Variants in SLC8A1 observed in about 807,000 individuals in gnomAD.
The protein encoded by SLC8A1 is sodium/calcium exchanger 1.
In SLC8A1, 18 loss-of-function variants were observed where a neutral mutation model predicts 68.3. That is an observed-to-expected ratio of 0.26 (90% CI 0.18 to 0.39). The LOEUF is 0.39. SLC8A1 is among the 10% of genes least tolerant of loss of function. The probability of loss-of-function intolerance (pLI) is 1.00; values close to 1 mark genes in which losing one functional copy is unlikely to be tolerated. For synonymous variants in SLC8A1, 475 were observed against 415.5 expected (o/e 1.14, Z -1.74); for missense variants, 985 against 1,156.7 (o/e 0.85, Z 2.15).
chr2:40,322,319 T>C (rs1010100220), intron 2 of SLC8A1, among the ~76,000 whole-genome samples: 9 of 151,904 alleles, frequency 5.9e-5, no homozygotes, highest in Middle Eastern at 3.2e-3. Flanking sequence ...AGGTAATCCA[T>C]ATATAATTTT....
chr2:40,345,583 G>A (rs778254300), intron 2 of SLC8A1, among the ~76,000 whole-genome samples: 2 of 152,120 alleles, frequency 1.3e-5, no homozygotes, highest in Non-Finnish European at 2.9e-5. Context: ...CAGCAAATTT[G>A]TGGTAAAGTA....
intron 2 of SLC8A1, among the ~76,000 whole-genome samples, chr2:40,249,673 A>G (rs2062435852): frequency 6.6e-6 from 1 of 152,218 alleles, no homozygotes; most frequent in Non-Finnish European, 1.5e-5. Flanking sequence ...TGTGACTATT[A>G]CCATCAATTT....
At chr2:40,317,888 C>T (rs1575355666) in intron 2 of SLC8A1, among the ~76,000 whole-genome samples, 1 of 152,098 alleles carries the variant, frequency 6.6e-6, no homozygotes, top group African/African-American at 2.4e-5. Context: ...CTTGGCTTCA[C>T]TCCTCGAGGT....
chr2:40,326,892 C>T (rs1002920141), intron 2 of SLC8A1, among the ~76,000 whole-genome samples: 1 of 152,138 alleles, frequency 6.6e-6, no homozygotes, highest in African/African-American at 2.4e-5. Context: ...AACCAGACTG[C>T]AGAGGTATTG....
At chr2:40,382,533 G>T (rs902781114) in intron 2 of SLC8A1, among the ~76,000 whole-genome samples, 6 of 152,092 alleles carry the variant, frequency 3.9e-5, no homozygotes, top group African/African-American at 1.2e-4. Context: ...TGCCTTGTAA[G>T]TACTAATAAA....
intron 6 of SLC8A1, 128 bp downstream of exon 9, chr2:40,160,637 A>C: frequency 2.7e-6 from 2 of 751,920 alleles, no homozygotes; most frequent in East Asian, 2.6e-5. Flanking sequence ...TAACAAATAA[A>C]CTTATTTCTC....
At chr2:40,424,852 T>C (rs528871904) in intron 2 of SLC8A1, among the ~76,000 whole-genome samples, 2 of 151,984 alleles carry the variant, frequency 1.3e-5, no homozygotes, top group African/African-American at 4.8e-5. Flanking sequence ...GTATCTACAT[T>C]AGTTAATTAG....
chr2:40,148,139 C>G (rs564318542), intron 6 of SLC8A1, among the ~76,000 whole-genome samples: 1 of 152,282 alleles, frequency 6.6e-6, no homozygotes, highest in South Asian at 2.1e-4. Context: ...TGTCTCTCCT[C>G]CTTAAATTAA....
intron 1 of SLC8A1, among the ~76,000 whole-genome samples, chr2:40,451,431 T>A (rs1050186613): frequency 1.7e-4 from 26 of 152,066 alleles, no homozygotes; most frequent in African/African-American, 6.3e-4. Context: ...CTCGGAAATG[T>A]GGCCTTGGGG....
intron 7 of SLC8A1, 84 bp from the exon 11 acceptor site, chr2:40,115,713 A>G: frequency 1.3e-6 from 2 of 1,509,986 alleles, no homozygotes; most frequent in Non-Finnish European, 1.8e-6. Context: ...TGTGTACTCT[A>G]GGACCCAACC....
At chr2:40,272,632 C>T (rs1265187367) in intron 2 of SLC8A1, among the ~76,000 whole-genome samples, 3 of 152,218 alleles carry the variant, frequency 2.0e-5, no homozygotes, top group Non-Finnish European at 4.4e-5. Context: ...TCACCACTAA[C>T]CAAGTCACAA....
intron 2 of SLC8A1, among the ~76,000 whole-genome samples, chr2:40,317,499 C>T (rs1313106254): frequency 6.6e-6 from 1 of 152,040 alleles, no homozygotes; most frequent in Non-Finnish European, 1.5e-5. Flanking sequence ...TCTACACAAA[C>T]ATTGATTAAT....
intron 1 of SLC8A1, among the ~76,000 whole-genome samples, chr2:40,464,627 G>A (rs1040699004): frequency 3.9e-5 from 6 of 152,208 alleles, no homozygotes; most frequent in Non-Finnish European, 7.3e-5. Context: ...GAGGAGGAAT[G>A]GAGTGGTGTG....
intron 1 of SLC8A1, among the ~76,000 whole-genome samples, chr2:40,491,194 C>T (rs1207942530): frequency 2.0e-5 from 3 of 152,082 alleles, no homozygotes; most frequent in East Asian, 1.9e-4. Flanking sequence ...TGAAAAGGTC[C>T]TTCACGTCCC....
intron 6 of SLC8A1, among the ~76,000 whole-genome samples, chr2:40,142,075 C>T (rs2041675143): frequency 6.6e-6 from 1 of 152,296 alleles, no homozygotes; most frequent in Non-Finnish European, 1.5e-5. Context: ...ACTACAGCAG[C>T]CCTTCAGAAG....
chr2:40,284,854 C>A (rs1037551601), intron 2 of SLC8A1, among the ~76,000 whole-genome samples: 3 of 152,018 alleles, frequency 2.0e-5, no homozygotes, highest in African/African-American at 7.2e-5. Flanking sequence ...GTATCCACTT[C>A]TTCAAGAGGT....
chr2:40,433,896 T>C lies in SLC8A1; in HGVS notation c.-24-3592A>G, dbSNP rs113519612. ...AGTTAGCAAAAGTCTTGTGGAAGGT[T>C]TCCAATAGCCTGGCTTTTATCTTAT... On this transcript the variant is annotated intron_variant, in intron 1 of 7. Coordinates refer to ENST00000406785, the Ensembl canonical transcript of SLC8A1. Among the ~76,000 whole-genome samples, 675 of 152,274 alleles carry C rather than the reference T, an allele frequency of 4.4e-3. 7 individuals carry two copies. Among genetic ancestry groups the C allele is most frequent in the African/African-American group, 0.015 (626 of 41,558 alleles).
intron 2 of SLC8A1, among the ~76,000 whole-genome samples, chr2:40,412,547 C>A (rs1346890871): frequency 6.6e-6 from 1 of 152,140 alleles, no homozygotes; most frequent in Non-Finnish European, 1.5e-5. Context: ...GGAATGGAGG[C>A]ACTACCTTAA....
intron 4 of SLC8A1, among the ~76,000 whole-genome samples, chr2:40,165,944 T>A (rs1317896874): frequency 1.3e-5 from 2 of 152,172 alleles, no homozygotes; most frequent in African/African-American, 2.4e-5. Flanking sequence ...ACAAGCTACT[T>A]CTTCTCAGAT....
Sources: gnomAD v4.1 joint callset for allele counts (sites outside exome capture counted in the v4.1 genomes callset) on GRCh38, gnomAD v4.1.1 for gene constraint, MANE v1.5 for transcripts, NCBI Gene and HGNC (gene_info 2026-07-23, HGNC 2026-07-21) for gene names.